AGBL1: variants seen among roughly 807,000 people sequenced by gnomAD.
AGBL1 encodes AGBL carboxypeptidase 1, also known as cytosolic carboxypeptidase 4.
AGBL1 carries 130 observed loss-of-function variants against 118.9 expected under a neutral mutation model. The observed-to-expected ratio is 1.09, with a 90% CI of 0.95 to 1.26. The LOEUF is 1.26. Among genes scored for constraint, AGBL1 ranks in the 50% most tolerant of loss-of-function variants. AGBL1 has a pLI of 0.00. For missense variants in AGBL1, 1,584 were observed against 1,298.1 expected, an observed-to-expected ratio of 1.22 and a Z score of -3.38; for synonymous variants, 555 against 478.9, an observed-to-expected ratio of 1.16 and a Z score of -2.08.
intron 3 of AGBL1, among the ~76,000 whole-genome samples, chr15:86,147,268 G>A (rs2077045031): frequency 6.6e-6 from 1 of 152,208 alleles, no homozygotes; most frequent in African/African-American, 2.4e-5. Context: ...TGGTTGGATA[G>A]TGGGTGCAGC....
At chr15:86,220,145 G>A in intron 5 of AGBL1, among the ~76,000 whole-genome samples, 1 of 151,754 alleles carries the variant, frequency 6.6e-6, no homozygotes, top group East Asian at 1.9e-4. Flanking sequence ...GTAGAGATGG[G>A]GTTTCACTAT....
chr15:86,748,277 CT>C (rs1361731220), intron 22 of AGBL1, among the ~76,000 whole-genome samples: 2 of 151,970 alleles, frequency 1.3e-5, no homozygotes, highest in Non-Finnish European at 2.9e-5. Flanking sequence ...TAAATGTCTT[CT>C]TTTGAGAAGT....
chr15:86,789,263 C>T (rs1475186724), intron 22 of AGBL1, among the ~76,000 whole-genome samples: 1 of 152,208 alleles, frequency 6.6e-6, no homozygotes, highest in East Asian at 1.9e-4. Flanking sequence ...AGGAATATCA[C>T]ATCATGCAAC....
At chr15:86,359,219 T>C (rs74027519) in intron 17 of AGBL1, among the ~76,000 whole-genome samples, 3,128 of 151,978 alleles carry the variant, frequency 0.021, 103 homozygotes, top group African/African-American at 0.072. Flanking sequence ...AAGTGTCCAA[T>C]TTTATTCTTC....
rs184851914 is a variant in AGBL1, at chr15:86,985,587, C to T, written c.3222-2400C>T. Among the ~76,000 whole-genome samples the T allele has an allele frequency of 1.6e-4, 24 of 150,684 alleles. 1 individual carries two copies. Among genetic ancestry groups the T allele is most frequent in the Middle Eastern group, 6.8e-3 (2 of 294 alleles). ...TACCCATGTTATATTGGGTTGTTTG[C>T]GTTCTCATTTAGGATTTGTAAAAAT... On this transcript the variant is annotated intron_variant, in intron 23 of 24. Coordinates refer to the AGBL1 transcript ENST00000441037.
At position 86,988,131 on chromosome 15, in the gene AGBL1, G is replaced by A. The variant is rs753452644; in HGVS notation, c.3323+43G>A. ...CTGATTGTACATTGCTTGGGGCGGGGATTGCTGGATGAAATACCCTGCATG... is the reference window on the plus strand; with the variant it reads ...CTGATTGTACATTGCTTGGGGCGGGAATTGCTGGATGAAATACCCTGCATG... On this transcript the variant is annotated intron_variant, in intron 24 of 24. Coordinates refer to the AGBL1 transcript ENST00000441037. 2.5e-6 allele frequency: 4 copies of A among 1,597,748 alleles called. No homozygotes were observed. The Admixed American group carries it at 6.8e-5, about 27-fold the overall frequency.
intron 1 of AGBL1, among the ~76,000 whole-genome samples, chr15:86,087,093 T>C (rs1397774296): frequency 6.6e-6 from 1 of 152,202 alleles, no homozygotes; most frequent in Non-Finnish European, 1.5e-5. Flanking sequence ...ATAGATACCA[T>C]TAGCTAGCGA....
chr15:86,446,794 C>T (rs185405836), intron 18 of AGBL1, among the ~76,000 whole-genome samples: 30 of 152,254 alleles, frequency 2.0e-4, no homozygotes, highest in African/African-American at 6.7e-4. Flanking sequence ...AGGTTACAGG[C>T]AGAAATGCAA....
At chr15:86,885,001 T>C (rs1484085988) in intron 22 of AGBL1, among the ~76,000 whole-genome samples, 1 of 152,180 alleles carries the variant, frequency 6.6e-6, no homozygotes, top group Non-Finnish European at 1.5e-5. Context: ...ATAGAACATA[T>C]GCTACCAGAT....
chr15:86,594,863 C>G (rs996858059), intron 21 of AGBL1, among the ~76,000 whole-genome samples: 2 of 152,198 alleles, frequency 1.3e-5, no homozygotes, highest in African/African-American at 4.8e-5. Flanking sequence ...TAAACCCACT[C>G]TATTGAGGCC....
chr15:86,232,926 A>AATAAATGAGTGT (rs1275028621), intron 6 of AGBL1, among the ~76,000 whole-genome samples: 3 of 152,146 alleles, frequency 2.0e-5, no homozygotes, highest in Non-Finnish European at 4.4e-5. Flanking sequence ...ATGAGTGTTT[A>AATAAATGAGTGT]TTAGAGTACC....
chr15:86,305,068 T>G (rs1295051156), intron 17 of AGBL1: 1 of 152,184 alleles, frequency 6.6e-6, no homozygotes, highest in African/African-American at 2.4e-5. Flanking sequence ...AATGTTTCTC[T>G]TTCAGGATCC....
At chr15:86,645,586 CT>C (rs1327681331) in intron 21 of AGBL1, among the ~76,000 whole-genome samples, 1 of 152,158 alleles carries the variant, frequency 6.6e-6, no homozygotes, top group East Asian at 1.9e-4. Context: ...TCCTGTGCAC[CT>C]TTTATGAAGG....
chr15:86,697,904 C>T (rs1201738909), intron 22 of AGBL1, among the ~76,000 whole-genome samples: 1 of 151,952 alleles, frequency 6.6e-6, no homozygotes, highest in Non-Finnish European at 1.5e-5. Context: ...TCAGGTCTCT[C>T]AGCCATGGAT....
intron 22 of AGBL1, among the ~76,000 whole-genome samples, chr15:86,760,438 A>T (rs2078007431): frequency 6.6e-6 from 1 of 152,080 alleles, no homozygotes; most frequent in African/African-American, 2.4e-5. Context: ...CTAGACCATT[A>T]ACATTTCTCA....
chr15:86,698,473 G>T (rs2086300472), intron 22 of AGBL1, among the ~76,000 whole-genome samples: 1 of 151,904 alleles, frequency 6.6e-6, no homozygotes. Context: ...ATACCATGCT[G>T]CATACCCACC....
chr15:86,175,163 G>A (rs1007630155), intron 5 of AGBL1, among the ~76,000 whole-genome samples: 2 of 151,600 alleles, frequency 1.3e-5, no homozygotes, highest in African/African-American at 4.8e-5. Context: ...TTGTTGTTAG[G>A]GGACTTTTTA....
chr15:86,219,943 C>CTT (rs1491233116), intron 5 of AGBL1, among the ~76,000 whole-genome samples: 111 of 109,768 alleles, frequency 1.0e-3, no homozygotes, highest in East Asian at 4.2e-3. Context: ...CTAATGCTGC[C>CTT]TCTTTTTTTT....
At chr15:86,618,713 C>T (rs1479147851) in intron 21 of AGBL1, among the ~76,000 whole-genome samples, 1 of 152,154 alleles carries the variant, frequency 6.6e-6, no homozygotes, top group Non-Finnish European at 1.5e-5. Flanking sequence ...CCTAGACTCC[C>T]ATCCTTACTG....
Sources: allele counts gnomAD v4.1 joint callset (sites outside exome capture counted in the v4.1 genomes callset), GRCh38; gene constraint gnomAD v4.1.1; transcripts MANE v1.5; gene names NCBI Gene and HGNC (gene_info 2026-07-23, HGNC 2026-07-21).